Variants in RTL4 observed in about 807,000 individuals in gnomAD.
RTL4 encodes retrotransposon Gag-like protein 4.
RTL4 carries 4 observed loss-of-function variants against 5.3 expected under a neutral mutation model. The observed-to-expected ratio is 0.75, with a 90% CI of 0.37 to 1.72. The LOEUF (loss-of-function observed/expected upper bound fraction) is 1.72. Among genes scored for constraint, RTL4 ranks in the 40% most tolerant of loss-of-function variants. The pLI is 0.04. For missense variants in RTL4, 260 were observed against 227.1 expected, an observed-to-expected ratio of 1.14 and a Z score of -0.93; for synonymous variants, 98 against 87.3, an observed-to-expected ratio of 1.12 and a Z score of -0.68.
chrX:112,335,964 TC>T, the RTL4 span, among the ~76,000 whole-genome samples: 1 of 110,292 alleles, frequency 9.1e-6, no homozygotes, highest in African/African-American at 3.3e-5. Context: ...TGCCTCAGCC[TC>T]CCGAGTAGCT....
At chrX:112,128,343 G>A in the RTL4 span, among the ~76,000 whole-genome samples, 1 of 111,260 alleles carries the variant, frequency 9.0e-6, no homozygotes, top group Non-Finnish European at 1.9e-5. Flanking sequence ...AAGAAATGCT[G>A]GCGTGACTGG....
chrX:112,358,179 CAG>C, the RTL4 span, among the ~76,000 whole-genome samples: 1 of 110,582 alleles, frequency 9.0e-6, no homozygotes, highest in Non-Finnish European at 1.9e-5. Context: ...CAGCTGACTG[CAG>C]ATTCAACTTC....
chrX:112,444,089 T>C, the RTL4 span, among the ~76,000 whole-genome samples: 1 of 112,004 alleles, frequency 8.9e-6, no homozygotes, highest in Non-Finnish European at 1.9e-5. Flanking sequence ...TAGATTTAAG[T>C]CTTTAATCCA....
chrX:112,218,707 A>G, the RTL4 span, among the ~76,000 whole-genome samples: 1 of 111,133 alleles, frequency 9.0e-6, no homozygotes, highest in Non-Finnish European at 1.9e-5. Context: ...AATAGCCCGT[A>G]AGACTATTGG....
At chrX:112,324,815 G>A in the RTL4 span, among the ~76,000 whole-genome samples, 1 of 111,627 alleles carries the variant, frequency 9.0e-6, no homozygotes, top group Admixed American at 9.6e-5. Flanking sequence ...TAAGAAGGAT[G>A]TGAATTCTGC....
chrX:112,192,148 G>GTT, the RTL4 span, among the ~76,000 whole-genome samples: 11 of 101,428 alleles, frequency 1.1e-4, no homozygotes, highest in African/African-American at 3.7e-4. Flanking sequence ...CCTTTAATAG[G>GTT]TTTTTTTTTG....
the RTL4 span, among the ~76,000 whole-genome samples, chrX:112,242,998 G>T: frequency 9.0e-6 from 1 of 111,634 alleles, no homozygotes; most frequent in Non-Finnish European, 1.9e-5. Flanking sequence ...TAAGTTTACT[G>T]ATTTGTGTAT....
the RTL4 span, among the ~76,000 whole-genome samples, chrX:112,435,766 A>G: frequency 1.8e-5 from 2 of 112,386 alleles, no homozygotes; most frequent in Non-Finnish European, 3.8e-5. Context: ...AACTTTTAAA[A>G]TTTGTTTTTT....
At chrX:112,136,562 T>A in the RTL4 span, among the ~76,000 whole-genome samples, 1 of 111,970 alleles carries the variant, frequency 8.9e-6, no homozygotes, top group East Asian at 2.8e-4. Flanking sequence ...TGGAAAAACA[T>A]CCCATATTCG....
the RTL4 span, among the ~76,000 whole-genome samples, chrX:112,245,120 G>A: frequency 3.6e-5 from 4 of 111,301 alleles, no homozygotes; most frequent in Non-Finnish European, 5.7e-5. Context: ...CTCTGGCTGC[G>A]CCTATCATTT....
the RTL4 span, among the ~76,000 whole-genome samples, chrX:112,143,036 C>T: frequency 9.0e-6 from 1 of 111,113 alleles, no homozygotes; most frequent in Non-Finnish European, 1.9e-5. Flanking sequence ...GCCATATTGG[C>T]CAGGCTGGTT....
the RTL4 span, among the ~76,000 whole-genome samples, chrX:112,161,608 T>C: frequency 9.0e-6 from 1 of 111,277 alleles, no homozygotes; most frequent in Non-Finnish European, 1.9e-5. Context: ...ACAGAGAACA[T>C]AGAGCTGTCT....
chrX:112,434,730 G>A, the RTL4 span, among the ~76,000 whole-genome samples: 7 of 111,820 alleles, frequency 6.3e-5, no homozygotes, highest in Non-Finnish European at 1.1e-4. Context: ...GAAACCAGAA[G>A]TAAAGCTTGG....
the RTL4 span, among the ~76,000 whole-genome samples, chrX:112,121,285 G>A: frequency 0.16 from 18,047 of 111,186 alleles, 2,172 homozygotes; most frequent in African/African-American, 0.42. Flanking sequence ...TAAAAACTAA[G>A]TTGAATGAAA....
chrX:112,169,026 C>CTTTCTT, the RTL4 span, among the ~76,000 whole-genome samples: 6 of 49,060 alleles, frequency 1.2e-4, no homozygotes, highest in Admixed American at 6.0e-4. Flanking sequence ...CTTTCTCTTT[C>CTTTCTT]TCTTTCTTTC....
At chrX:112,304,347 T>TGA in the RTL4 span, among the ~76,000 whole-genome samples, 27 of 111,671 alleles carry the variant, frequency 2.4e-4, no homozygotes, top group African/African-American at 8.5e-4. Context: ...TGTGTGTGTG[T>TGA]GAGACTATCT....
At chrX:112,289,764 GTATAA>G in the RTL4 span, among the ~76,000 whole-genome samples, 2 of 84,281 alleles carry the variant, frequency 2.4e-5, no homozygotes, top group East Asian at 2.9e-4. Context: ...GTACGTGTGT[GTATAA>G]TATATGTGTG....
chrX:112,135,592 T>A, the RTL4 span, among the ~76,000 whole-genome samples: 1 of 110,836 alleles, frequency 9.0e-6, no homozygotes, highest in South Asian at 3.7e-4. Flanking sequence ...ACCTAAGAAA[T>A]CTCTGCCTAA....
At chrX:112,343,389 C>G in the RTL4 span, among the ~76,000 whole-genome samples, 24 of 111,711 alleles carry the variant, frequency 2.1e-4, no homozygotes, top group Admixed American at 3.8e-4. Context: ...TTATCTCTTA[C>G]TTTTCGGGAT....
Sources: gnomAD v4.1 joint callset for allele counts (sites outside exome capture counted in the v4.1 genomes callset) on GRCh38, gnomAD v4.1.1 for gene constraint, MANE v1.5 for transcripts, NCBI Gene and HGNC (gene_info 2026-07-23, HGNC 2026-07-21) for gene names.